The following B3GALNT2 variants were observed in gnomAD, a reference collection of about 807,000 sequenced individuals.
B3GALNT2 encodes the protein beta-1,3-N-acetylgalactosaminyltransferase 2, also known as UDP-GalNAc:beta-1,3-N-acetylgalactosaminyltransferase 2.
In B3GALNT2, 53 loss-of-function variants were observed where a neutral mutation model predicts 61.1. The observed-to-expected ratio is 0.87, with a 90% CI of 0.70 to 1.09. The LOEUF (loss-of-function observed/expected upper bound fraction) is 1.09. B3GALNT2 is among the 50% of genes least tolerant of loss of function. The probability of loss-of-function intolerance (pLI) is 0.00; values close to 1 mark genes in which losing one functional copy is unlikely to be tolerated. For missense variants in B3GALNT2, 544 were observed against 623.0 expected (o/e 0.87, Z 1.35); for synonymous variants, 223 against 237.4 (o/e 0.94, Z 0.56).
Position 235,504,387 on chromosome 1 carries a change from T to TG in B3GALNT2, c.-136dup, listed in dbSNP as rs1436752648. Reference sequence around the variant, plus strand: ...GCCCGCCCTCGCGCTCGGCGACGTCTGGGGGGCTCCTCGCAGCTCCCGGCC... The same window carrying TG: ...GCCCGCCCTCGCGCTCGGCGACGTCTGGGGGGGCTCCTCGCAGCTCCCGGCC... On this transcript the variant is annotated 5_prime_UTR_variant, in exon 1 of 12. Transcript: ENST00000366600. The TG allele has an allele frequency of 1.4e-5, 14 of 1,019,118 alleles. No homozygotes were observed. Among genetic ancestry groups the TG allele is most frequent in the African/African-American group, 8.6e-5 (5 of 58,200 alleles). 63.1% of individuals were successfully genotyped at this position (1,019,118 alleles called of 1,614,324 possible). A position where few individuals can be genotyped will look rare whatever the true frequency, so the allele number is the denominator to read the frequency against.
intron 5 of B3GALNT2, among the ~76,000 whole-genome samples, chr1:235,476,969 G>A (rs1292268812): frequency 2.0e-5 from 3 of 151,296 alleles, no homozygotes; most frequent in East Asian, 1.9e-4. Flanking sequence ...AGGCTGCGGT[G>A]AGCTATGATC....
At chr1:235,454,483 G>A (rs1159594721) in intron 9 of B3GALNT2, among the ~76,000 whole-genome samples, 168 bp from the exon 10 acceptor site, 1 of 152,058 alleles carries the variant, frequency 6.6e-6, no homozygotes, top group Non-Finnish European at 1.5e-5. Flanking sequence ...TTGTTGCTCA[G>A]GCTGGAGTGT....
the B3GALNT2 span, chr1:235,441,818 T>G: frequency 6.2e-7 from 1 of 1,614,014 alleles, no homozygotes; most frequent in Non-Finnish European, 8.5e-7. Flanking sequence ...AAACAGAATA[T>G]GGTGCACCTG....
chr1:235,496,032 C>T (rs1315235473), intron 1 of B3GALNT2, among the ~76,000 whole-genome samples: 1 of 152,088 alleles, frequency 6.6e-6, no homozygotes, highest in Non-Finnish European at 1.5e-5. Context: ...TCATTCTGGG[C>T]CAGGCACGGT....
chr1:235,477,622 G>A (rs1169686794), intron 5 of B3GALNT2, among the ~76,000 whole-genome samples: 1 of 151,324 alleles, frequency 6.6e-6, no homozygotes, highest in Non-Finnish European at 1.5e-5. Context: ...GCTGGGGCGG[G>A]GGTGGGGTGG....
Position 235,485,686 on chromosome 1 carries a change from T to C in B3GALNT2, c.362-1171A>G, listed in dbSNP as rs79432437. 8.3e-3 allele frequency among the ~76,000 whole-genome samples: 1,261 copies of C among 152,366 alleles called. 14 individuals carry two copies. Among genetic ancestry groups the C allele is most frequent in the African/African-American group, 0.029 (1,214 of 41,594 alleles). On this transcript the variant is annotated intron_variant, in intron 3 of 11. Transcript: ENST00000366600. ...GGGAATATCAGTGCTACTTTAATAA[T>C]ATAAAACCCTATTTTAAAAGATTAT... is the stretch of plus-strand genomic sequence containing the variant.
chr1:235,448,298 C>T lies in B3GALNT2; in HGVS notation c.*1908G>A, dbSNP rs1179801333. On this transcript the variant is annotated 3_prime_UTR_variant, in exon 12 of 12. Transcript: ENST00000366600. Reference sequence around the variant, plus strand: ...GGTCTCATCACATGAGCTAGTTTTACAGGTAACTGTCATTTGAGAGAACGA... The same window carrying T: ...GGTCTCATCACATGAGCTAGTTTTATAGGTAACTGTCATTTGAGAGAACGA... 9.8e-6 allele frequency: 14 copies of T among 1,435,730 alleles called. No homozygotes were observed. Among genetic ancestry groups the T allele is most frequent in the East Asian group, 2.4e-5 (1 of 41,804 alleles). 88.9% of individuals were successfully genotyped at this position (1,435,730 alleles called of 1,614,324 possible).
At chr1:235,457,886 C>G (rs948916516) in intron 8 of B3GALNT2, among the ~76,000 whole-genome samples, 9 of 151,144 alleles carry the variant, frequency 6.0e-5, no homozygotes, top group African/African-American at 2.2e-4. Context: ...AGAAATGACT[C>G]AAAATGAATC....
chr1:235,453,460 C>CTTT (rs1175498989), intron 10 of B3GALNT2, among the ~76,000 whole-genome samples: 1 of 145,256 alleles, frequency 6.9e-6, no homozygotes. Flanking sequence ...AGGGACTATA[C>CTTT]TTTTTTTTTT....
intron 2 of B3GALNT2, among the ~76,000 whole-genome samples, chr1:235,490,014 C>A (rs1214857125): frequency 6.6e-6 from 1 of 152,158 alleles, no homozygotes; most frequent in Non-Finnish European, 1.5e-5. Flanking sequence ...CTGCCCAGCT[C>A]CCTAAAATGC....
chr1:235,474,970 T>C (rs1684182006), intron 5 of B3GALNT2, among the ~76,000 whole-genome samples: 1 of 34,534 alleles, frequency 2.9e-5, no homozygotes, highest in Non-Finnish European at 5.1e-5. Context: ...TATATATATA[T>C]ATATATATAT....
intron 6 of B3GALNT2, among the ~76,000 whole-genome samples, chr1:235,466,289 G>A (rs1432344909): frequency 4.2e-5 from 6 of 143,902 alleles, no homozygotes. Context: ...GGCTGGTCTC[G>A]AACTCCTGAC....
At chr1:235,442,296 G>A (rs1269695697), downstream of B3GALNT2, among the ~76,000 whole-genome samples, 2 of 152,094 alleles carry the variant, frequency 1.3e-5, no homozygotes, top group Non-Finnish European at 2.9e-5. Context: ...TTAGCCTCCC[G>A]AGTAGCTGGG....
At chr1:235,454,521 C>G (rs1683075731) in intron 9 of B3GALNT2, among the ~76,000 whole-genome samples, 1 of 152,134 alleles carries the variant, frequency 6.6e-6, no homozygotes, top group African/African-American at 2.4e-5. Flanking sequence ...TCACTGCAAC[C>G]TCTGCCTCCT....
downstream of B3GALNT2, among the ~76,000 whole-genome samples, chr1:235,445,872 T>A (rs1212004043): frequency 1.3e-5 from 2 of 152,154 alleles, no homozygotes; most frequent in African/African-American, 2.4e-5. Context: ...GAATGGTGAA[T>A]AAGCTCTGGT....
At chr1:235,463,495 G>A (rs1346369129) in intron 7 of B3GALNT2, 2 of 148,330 alleles carry the variant, frequency 1.3e-5, no homozygotes, top group Non-Finnish European at 3.0e-5. Context: ...TCATATGGAA[G>A]TGCAAGAGAC....
chr1:235,502,070 T>C (rs775176752), intron 1 of B3GALNT2, among the ~76,000 whole-genome samples: 3 of 152,250 alleles, frequency 2.0e-5, no homozygotes, highest in Non-Finnish European at 4.4e-5. Context: ...TGGAGTGCAG[T>C]GGCGCAATCT....
At chr1:235,455,412 A>G in intron 9 of B3GALNT2, 147 bp downstream of exon 9, 1 of 879,238 alleles carries the variant, frequency 1.1e-6, no homozygotes, top group Non-Finnish European at 1.7e-6. Flanking sequence ...TGACTGACCT[A>G]GAGTAATGAA....
chr1:235,448,220 CAAAAAAAAAA>C lies in B3GALNT2; in HGVS notation c.*1976_*1985del, dbSNP rs59405398. ...CTTAAGTAAGTAAGTAAGTCAGTCT[CAAAAAAAAAA>C]AAAAAAAAAAGACAGATACAGCTAT... is the stretch of plus-strand genomic sequence containing the variant. On this transcript the variant is annotated 3_prime_UTR_variant, in exon 12 of 12. Coordinates refer to ENST00000366600, the MANE Select transcript of B3GALNT2 (RefSeq NM_152490.5). The C allele has an allele frequency of 1.7e-5, 9 of 527,200 alleles. No homozygotes were observed. Among genetic ancestry groups the C allele is most frequent in the African/African-American group, 3.2e-5 (1 of 31,380 alleles). The allele number at this position is 527,200 out of a possible 1,614,324, so 32.7% of individuals were successfully genotyped here.
Sources: gnomAD v4.1 joint callset for allele counts (sites outside exome capture counted in the v4.1 genomes callset) on GRCh38, gnomAD v4.1.1 for gene constraint, MANE v1.5 for transcripts, NCBI Gene and HGNC (gene_info 2026-07-23, HGNC 2026-07-21) for gene names.